The following COL26A1 variants were observed in gnomAD, a reference collection of about 807,000 sequenced individuals.
The protein encoded by COL26A1 is collagen alpha-1(XXVI) chain.
In COL26A1, 41 loss-of-function variants were observed where a neutral mutation model predicts 59.3. The ratio of observed to expected loss-of-function variants is 0.69; its 90% CI spans 0.54 to 0.90. COL26A1 has a LOEUF of 0.90. COL26A1 is among the 40% of genes least tolerant of loss of function. The pLI is 0.00. For synonymous variants in COL26A1, 266 were observed against 256.0 expected, an observed-to-expected ratio of 1.04 and a Z score of -0.37; for missense variants, 612 against 602.3, an observed-to-expected ratio of 1.02 and a Z score of -0.17.
intron 3 of COL26A1, among the ~76,000 whole-genome samples, chr7:101,468,796 G>A (rs1445722733): frequency 6.6e-6 from 1 of 152,164 alleles, no homozygotes; most frequent in Non-Finnish European, 1.5e-5. Context: ...CATCTGTAGG[G>A]GTGCAGGCAC....
At chr7:101,411,313 G>T (rs1380450697) in intron 1 of COL26A1, among the ~76,000 whole-genome samples, 1 of 152,108 alleles carries the variant, frequency 6.6e-6, no homozygotes, top group Non-Finnish European at 1.5e-5. Flanking sequence ...GGGCCCTGTG[G>T]GACAGGAGAA....
At chr7:101,474,442 A>T (rs63399661) in intron 3 of COL26A1, among the ~76,000 whole-genome samples, 1 of 146,708 alleles carries the variant, frequency 6.8e-6, no homozygotes, top group Middle Eastern at 3.5e-3. Flanking sequence ...AAAAAAAAAA[A>T]TTAGCCAGGT....
At chr7:101,378,884 G>C (rs1404446998) in intron 1 of COL26A1, among the ~76,000 whole-genome samples, 1 of 151,990 alleles carries the variant, frequency 6.6e-6, no homozygotes, top group Non-Finnish European at 1.5e-5. Flanking sequence ...TCCCCGGGGA[G>C]TTGTCCCTGG....
chr7:101,551,349 T>G (rs1795859194), intron 10 of COL26A1, among the ~76,000 whole-genome samples: 1 of 152,178 alleles, frequency 6.6e-6, no homozygotes, highest in South Asian at 2.1e-4. Context: ...GAGAGTGCGC[T>G]GACAGTCCTG....
chr7:101,504,113 T>C (rs1045047652), intron 3 of COL26A1, among the ~76,000 whole-genome samples: 1 of 152,024 alleles, frequency 6.6e-6, no homozygotes, highest in Admixed American at 6.6e-5. Flanking sequence ...TCTTTTTTTT[T>C]CTTTGGGGAC....
intron 12 of COL26A1, among the ~76,000 whole-genome samples, chr7:101,556,269 C>T (rs549257426): frequency 6.6e-6 from 1 of 152,214 alleles, no homozygotes; most frequent in East Asian, 1.9e-4. Flanking sequence ...ATAGGGGAGG[C>T]TTCCATTCCA....
intron 1 of COL26A1, among the ~76,000 whole-genome samples, chr7:101,385,758 G>C (rs1472426523): frequency 6.6e-6 from 1 of 151,852 alleles, no homozygotes; most frequent in Non-Finnish European, 1.5e-5. Context: ...AGGTTGGAGT[G>C]CAGTGGTGCG....
At chr7:101,406,089 T>C (rs1434516894) in intron 1 of COL26A1, among the ~76,000 whole-genome samples, 1 of 152,220 alleles carries the variant, frequency 6.6e-6, no homozygotes, top group Non-Finnish European at 1.5e-5. Context: ...CCTTCAGACC[T>C]CCGTGCTGCG....
chr7:101,549,085 A>T, intron 8 of COL26A1, 86 bp from the exon 9 acceptor site: 1 of 660,064 alleles, frequency 1.5e-6, no homozygotes, highest in Non-Finnish European at 2.6e-6. Context: ...CTTCCCATGG[A>T]GACAGATCAA....
At chr7:101,519,826 G>A (rs1795103793) in intron 3 of COL26A1, among the ~76,000 whole-genome samples, 1 of 152,172 alleles carries the variant, frequency 6.6e-6, no homozygotes, top group African/African-American at 2.4e-5. Context: ...TCGGGAAAAG[G>A]AGCTGAGTTT....
intron 2 of COL26A1, among the ~76,000 whole-genome samples, chr7:101,425,762 C>T (rs1015440393): frequency 2.0e-5 from 3 of 151,618 alleles, no homozygotes; most frequent in Non-Finnish European, 4.4e-5. Context: ...CTCCCTCGGC[C>T]TCCCAAAGTG....
intron 3 of COL26A1, among the ~76,000 whole-genome samples, chr7:101,508,590 C>G (rs1433930258): frequency 6.6e-6 from 1 of 151,878 alleles, no homozygotes; most frequent in Non-Finnish European, 1.5e-5. Context: ...CCCACCCCTC[C>G]TTGATAAACA....
chr7:101,363,289 G>C, intron 1 of COL26A1, 99 bp downstream of exon 1: 2 of 1,082,414 alleles, frequency 1.8e-6, no homozygotes, highest in Non-Finnish European at 2.5e-6. Context: ...GGGGGCTGGA[G>C]AGCGGGGCGA....
intron 3 of COL26A1, among the ~76,000 whole-genome samples, chr7:101,504,903 C>T (rs1346208252): frequency 9.2e-5 from 14 of 152,048 alleles, no homozygotes; most frequent in Admixed American, 9.2e-4. Context: ...CGCCTGTAAT[C>T]CCAACTTTGG....
intron 3 of COL26A1, among the ~76,000 whole-genome samples, chr7:101,498,168 C>T (rs1257300098): frequency 6.6e-6 from 1 of 152,200 alleles, no homozygotes; most frequent in Non-Finnish European, 1.5e-5. Flanking sequence ...GCTATTGTCT[C>T]TCTCCCCGGA....
intron 3 of COL26A1, among the ~76,000 whole-genome samples, chr7:101,496,110 A>C (rs1563011982): frequency 6.6e-6 from 1 of 152,140 alleles, no homozygotes; most frequent in Non-Finnish European, 1.5e-5. Context: ...GCGGCTTAGC[A>C]TGACTAGGCA....
At chr7:101,512,768 A>C (rs547915495) in intron 3 of COL26A1, among the ~76,000 whole-genome samples, 43 of 152,360 alleles carry the variant, frequency 2.8e-4, no homozygotes, top group African/African-American at 1.0e-3. Context: ...GCACCAAAAA[A>C]GTAATAGGTC....
intron 1 of COL26A1, among the ~76,000 whole-genome samples, chr7:101,392,869 GGA>G (rs1450902524): frequency 2.6e-5 from 4 of 152,122 alleles, no homozygotes; most frequent in African/African-American, 9.7e-5. Flanking sequence ...GTGGGACGCA[GGA>G]GAGTGGCCCT....
chr7:101,480,860 A>G (rs1413055548), intron 3 of COL26A1, among the ~76,000 whole-genome samples: 48 of 151,810 alleles, frequency 3.2e-4, no homozygotes, highest in Admixed American at 3.2e-3. Context: ...TTGTTTTGTA[A>G]TTTTTTATGG....
Sources: allele counts gnomAD v4.1 joint callset (sites outside exome capture counted in the v4.1 genomes callset), GRCh38; gene constraint gnomAD v4.1.1; transcripts MANE v1.5; gene names NCBI Gene and HGNC (gene_info 2026-07-23, HGNC 2026-07-21).